MAGI2: variants seen among roughly 807,000 people sequenced by gnomAD.
The protein encoded by MAGI2 is membrane associated guanylate kinase, WW and PDZ domain containing 2.
MAGI2 carries 35 observed loss-of-function variants against 133.3 expected under a neutral mutation model. The observed-to-expected ratio is 0.26, with a 90% CI of 0.20 to 0.35. The LOEUF (loss-of-function observed/expected upper bound fraction) is 0.35. Ranked by LOEUF, MAGI2 falls within the 10% of genes least tolerant of loss-of-function variation. MAGI2 has a pLI of 1.00. For synonymous variants in MAGI2, 729 were observed against 710.6 expected (o/e 1.03, Z -0.41); for missense variants, 1,636 against 1,863.4 (o/e 0.88, Z 2.25).
chr7:78,235,201 C>G lies in MAGI2; in HGVS notation c.2047+20742G>C, dbSNP rs558016027. Among the ~76,000 whole-genome samples, 10 of 152,262 alleles carry G rather than the reference C, an allele frequency of 6.6e-5. No individual in the cohort carries two copies. In the South Asian group the frequency reaches 2.1e-3, roughly 32 times the overall value. On this transcript the variant is annotated intron_variant, in intron 10 of 21. Transcript: ENST00000354212. ...TAGCTTTAGAATTGTTGGCTGTAACCATTACTACTACTTTTTCTTCTTCCC... is the reference window on the plus strand; with the variant it reads ...TAGCTTTAGAATTGTTGGCTGTAACGATTACTACTACTTTTTCTTCTTCCC...
At chr7:78,262,892 C>A (rs923894037) in intron 9 of MAGI2, among the ~76,000 whole-genome samples, 1 of 152,098 alleles carries the variant, frequency 6.6e-6, no homozygotes. Context: ...CTGCTCAAGG[C>A]TGAGGTTTGG....
At chr7:78,246,620 A>G (rs1208870309) in intron 10 of MAGI2, among the ~76,000 whole-genome samples, 1 of 152,118 alleles carries the variant, frequency 6.6e-6, no homozygotes, top group Admixed American at 6.5e-5. Flanking sequence ...AGCCTAAGCA[A>G]TTGCTGCACT....
chr7:79,025,665 ATTTC>A (rs1809813404), intron 1 of MAGI2, among the ~76,000 whole-genome samples: 2 of 152,060 alleles, frequency 1.3e-5, no homozygotes, highest in Non-Finnish European at 2.9e-5. Context: ...CCATGGGAAG[ATTTC>A]TTTATCAGTC....
intron 1 of MAGI2, among the ~76,000 whole-genome samples, chr7:79,203,690 A>G (rs999008325): frequency 6.6e-6 from 1 of 152,064 alleles, no homozygotes; most frequent in Non-Finnish European, 1.5e-5. Flanking sequence ...AAGCAAGGGG[A>G]CAGAAAAAAA....
intron 2 of MAGI2, among the ~76,000 whole-genome samples, chr7:78,928,356 G>A (rs561897032): frequency 6.6e-6 from 1 of 151,842 alleles, no homozygotes; most frequent in South Asian, 2.1e-4. Flanking sequence ...GGGATTGTTT[G>A]ACAAGTGCAG....
chr7:78,542,205 C>T (rs183834129), intron 3 of MAGI2, among the ~76,000 whole-genome samples: 54 of 152,096 alleles, frequency 3.6e-4, no homozygotes, highest in Non-Finnish European at 5.7e-4. Flanking sequence ...ACCTTGTTGG[C>T]GACACAAAAA....
At chr7:78,151,780 A>G (rs1235962653) in intron 16 of MAGI2, among the ~76,000 whole-genome samples, 3 of 152,210 alleles carry the variant, frequency 2.0e-5, no homozygotes, top group Non-Finnish European at 4.4e-5. Context: ...CCTCTACTGC[A>G]TCGCCCATTG....
At chr7:78,780,440 A>G (rs891225493) in intron 2 of MAGI2, among the ~76,000 whole-genome samples, 1 of 152,236 alleles carries the variant, frequency 6.6e-6, no homozygotes, top group Non-Finnish European at 1.5e-5. Context: ...CCTCATTAGT[A>G]ACAGTAACTA....
chr7:78,724,700 G>A (rs538943848), intron 2 of MAGI2, among the ~76,000 whole-genome samples: 5 of 152,318 alleles, frequency 3.3e-5, no homozygotes, highest in African/African-American at 9.6e-5. Context: ...CATGTAGCAT[G>A]TCTTGTACAG....
intron 9 of MAGI2, among the ~76,000 whole-genome samples, chr7:78,335,268 T>C (rs950261803): frequency 2.6e-5 from 4 of 152,152 alleles, no homozygotes; most frequent in African/African-American, 9.7e-5. Context: ...TTCGGAAACA[T>C]CTGATCTGAG....
chr7:79,405,181 G>T (rs1046730958), intron 1 of MAGI2, among the ~76,000 whole-genome samples: 1 of 152,072 alleles, frequency 6.6e-6, no homozygotes, highest in Non-Finnish European at 1.5e-5. Flanking sequence ...ATATAATTTT[G>T]CAGCTTGTTA....
chr7:78,612,773 C>G (rs982054189), intron 3 of MAGI2, among the ~76,000 whole-genome samples: 3 of 151,970 alleles, frequency 2.0e-5, no homozygotes, highest in African/African-American at 7.2e-5. Context: ...AGGTTCATGC[C>G]ATTCTCCTGC....
chr7:78,877,566 G>A (rs540897711), intron 2 of MAGI2, among the ~76,000 whole-genome samples: 39 of 152,266 alleles, frequency 2.6e-4, no homozygotes, highest in African/African-American at 9.1e-4. Flanking sequence ...CTTCTTGAGG[G>A]GCAAGGGTTG....
At chr7:78,821,777 A>T (rs142398814) in intron 2 of MAGI2, among the ~76,000 whole-genome samples, 68 of 152,136 alleles carry the variant, frequency 4.5e-4, no homozygotes, top group African/African-American at 1.6e-3. Flanking sequence ...AACTAATCAA[A>T]TATATCCCAG....
At position 78,051,317 on chromosome 7, in the gene MAGI2, T is replaced by C. The variant is rs114624849; in HGVS notation, c.3706+27630A>G. ...TTTTTTAAACTGTCAAGAAAGTGTG[T>C]TACGAGGTTGTACACAGCCCTCTGT... On this transcript the variant is annotated intron_variant, in intron 21 of 21. Coordinates refer to ENST00000354212, the MANE Select transcript of MAGI2 (RefSeq NM_012301.4). Among the ~76,000 whole-genome samples the C allele has an allele frequency of 3.1e-3, 477 of 152,322 alleles. 1 individual carries two copies. Among genetic ancestry groups the C allele is most frequent in the African/African-American group, 0.011 (442 of 41,584 alleles).
At chr7:79,168,748 C>A (rs563661544) in intron 1 of MAGI2, among the ~76,000 whole-genome samples, 44 of 151,942 alleles carry the variant, frequency 2.9e-4, no homozygotes, top group African/African-American at 1.0e-3. Context: ...TCTTTGGAGA[C>A]AATTTCTTCA....
chr7:78,382,142 T>C (rs112538626), intron 6 of MAGI2, among the ~76,000 whole-genome samples: 2 of 152,074 alleles, frequency 1.3e-5, no homozygotes, highest in African/African-American at 4.8e-5. Flanking sequence ...TATGATCTGA[T>C]ATGTGGTTAT....
chr7:79,224,738 C>T (rs1350363537), intron 1 of MAGI2, among the ~76,000 whole-genome samples: 1 of 150,848 alleles, frequency 6.6e-6, no homozygotes, highest in African/African-American at 2.5e-5. Context: ...TATTGTACAT[C>T]CCATTTATGT....
intron 9 of MAGI2, among the ~76,000 whole-genome samples, chr7:78,292,089 C>T (rs909069313): frequency 1.3e-5 from 2 of 152,108 alleles, no homozygotes; most frequent in African/African-American, 2.4e-5. Flanking sequence ...CCAGGGCAAT[C>T]AGGCAGGAGA....
Sources: allele counts gnomAD v4.1 joint callset (sites outside exome capture counted in the v4.1 genomes callset), GRCh38; gene constraint gnomAD v4.1.1; transcripts MANE v1.5; gene names NCBI Gene and HGNC (gene_info 2026-07-23, HGNC 2026-07-21).